RASEF: variants seen among roughly 807,000 people sequenced by gnomAD.
RASEF encodes the protein ras and EF-hand domain-containing protein.
Under a neutral mutation model 90.1 loss-of-function variants are expected in RASEF, and 68 were observed. The ratio of observed to expected loss-of-function variants is 0.75; its 90% CI spans 0.62 to 0.92. The LOEUF is 0.92. RASEF is among the 40% of genes least tolerant of loss of function. The pLI, the probability that RASEF is intolerant of heterozygous loss-of-function variation, is 0.00. For missense variants in RASEF, 949 were observed against 937.2 expected (o/e 1.01, Z -0.16); for synonymous variants, 331 against 345.2 (o/e 0.96, Z 0.46).
the RASEF span, among the ~76,000 whole-genome samples, chr9:83,088,203 T>G: frequency 6.6e-6 from 1 of 152,212 alleles, no homozygotes; most frequent in South Asian, 2.1e-4. Flanking sequence ...GAATGTGTAT[T>G]CTGACATTGT....
At chr9:83,004,713 A>G (rs1829098439) in intron 8 of RASEF, 127 bp from the exon 9 acceptor site, 1 of 618,590 alleles carries the variant, frequency 1.6e-6, no homozygotes, top group Non-Finnish European at 2.8e-6. Flanking sequence ...AATGTAACTA[A>G]AAGTTTGTTA....
the RASEF span, among the ~76,000 whole-genome samples, chr9:83,203,353 G>C: frequency 9.2e-5 from 14 of 151,686 alleles, no homozygotes; most frequent in African/African-American, 3.4e-4. Context: ...TTGGCTCACT[G>C]CTACCTACGC....
chr9:83,210,073 A>ATG, the RASEF span, among the ~76,000 whole-genome samples: 3 of 152,248 alleles, frequency 2.0e-5, no homozygotes, highest in Admixed American at 6.5e-5. Context: ...TGGAAGTAAC[A>ATG]GATATTTGCG....
intron 14 of RASEF, among the ~76,000 whole-genome samples, chr9:82,994,099 G>A (rs576609665): frequency 1.3e-5 from 2 of 152,212 alleles, no homozygotes; most frequent in African/African-American, 2.4e-5. Flanking sequence ...ATCAAAAAAC[G>A]TGCCTCAACA....
rs757226765 is a variant in RASEF, at chr9:82,997,058, C to T, written c.1874G>A (p.Cys625Tyr). The change falls in exon 14 of 17, where the codon TGT becomes TAT. Residue 625 changes from cysteine (C) to tyrosine (Y), a missense_variant. Physicochemically the swap from Cys to Tyr is radical, Grantham distance 194 (BLOSUM62 -2). This residue lies in a region of RASEF where 288 missense variants were observed against 328.4 expected (regional missense o/e 0.88). Transcript: ENST00000376447. ...DGVLLLYDVT[C>Y]EKSFLNIREW... ...TCGTATGTTAAGAAAGCTTTTCTCA[C>T]ATGTAACATCATACAGCAGCAAAAC... 2.5e-6 allele frequency: 4 copies of T among 1,613,180 alleles called. No individual in the cohort carries two copies. In the South Asian group the frequency reaches 3.3e-5, roughly 13 times the overall value.
intron 16 of RASEF, among the ~76,000 whole-genome samples, chr9:82,989,744 G>T (rs1354251): frequency 1 from 152,252 of 152,282 alleles, 76,111 homozygotes; most frequent in Middle Eastern, 1. Flanking sequence ...TTTCCTTTTT[G>T]TGATATTTAA....
chr9:83,127,136 A>G, the RASEF span, among the ~76,000 whole-genome samples: 1 of 152,248 alleles, frequency 6.6e-6, no homozygotes, highest in African/African-American at 2.4e-5. Flanking sequence ...GCAGTAAAAA[A>G]TATGAGCTAG....
At chr9:83,037,650 T>C (rs1829767285) in intron 1 of RASEF, among the ~76,000 whole-genome samples, 1 of 152,060 alleles carries the variant, frequency 6.6e-6, no homozygotes, top group Non-Finnish European at 1.5e-5. Flanking sequence ...ATTTTTGCAA[T>C]AGTCATTTTC....
chr9:83,152,839 G>A, the RASEF span, among the ~76,000 whole-genome samples: 1 of 152,120 alleles, frequency 6.6e-6, no homozygotes, highest in South Asian at 2.1e-4. Flanking sequence ...AGTGCCAACT[G>A]TAACCGAGAG....
chr9:83,191,148 G>A, the RASEF span, among the ~76,000 whole-genome samples: 1 of 152,110 alleles, frequency 6.6e-6, no homozygotes, highest in Admixed American at 6.6e-5. Flanking sequence ...TCTAATGAGA[G>A]ACTATCCCTG....
intron 1 of RASEF, among the ~76,000 whole-genome samples, chr9:83,034,104 T>C (rs573731798): frequency 6.6e-6 from 1 of 152,330 alleles, no homozygotes; most frequent in African/African-American, 2.4e-5. Flanking sequence ...AGAAAAATAT[T>C]AATTCCCTTT....
chr9:83,120,397 C>T, the RASEF span, among the ~76,000 whole-genome samples: 2 of 152,160 alleles, frequency 1.3e-5, no homozygotes, highest in Non-Finnish European at 2.9e-5. Context: ...GCCTGCCTCA[C>T]CACATTCTAT....
At chr9:83,107,434 C>T in the RASEF span, among the ~76,000 whole-genome samples, 2 of 152,288 alleles carry the variant, frequency 1.3e-5, no homozygotes, top group African/African-American at 2.4e-5. Flanking sequence ...AAGGCTCCTT[C>T]GACTTCACAT....
At chr9:83,065,813 G>A (rs1384962064), upstream of RASEF, among the ~76,000 whole-genome samples, 1 of 152,138 alleles carries the variant, frequency 6.6e-6, no homozygotes, top group African/African-American at 2.4e-5. Flanking sequence ...TTTCGCAGGG[G>A]ACATTTGGCA....
Position 83,022,413 on chromosome 9 carries a change from C to T in RASEF, c.592G>A (p.Ala198Thr). The T allele has an allele frequency of 1.9e-6, 3 of 1,613,728 alleles. No homozygotes were observed. The highest frequency in any genetic ancestry group is 2.5e-6 in the Non-Finnish European group (3 of 1,179,700). Residue 198 changes from alanine (A) to threonine (T), a missense_variant, in exon 3 of 17, where the codon GCA becomes ACA. Physicochemically the swap from Ala to Thr is moderately conservative, Grantham distance 58. Coordinates refer to ENST00000376447, the MANE Select transcript of RASEF (RefSeq NM_152573.4). ...AIAVKRAQDK[A>T]AMQLSELEEE... ...TCCAACTCACTCAACTGCATAGCTG[C>T]CTTGTCCTGGGCTCTGAAATTCAAA...
intron 1 of RASEF, chr9:83,048,525 T>C (rs1365826269): frequency 1.0e-6 from 1 of 984,174 alleles, no homozygotes; most frequent in East Asian, 1.1e-4. Context: ...GGGCATACAG[T>C]GGATACAAAA....
intron 3 of RASEF, among the ~76,000 whole-genome samples, chr9:83,016,202 T>G (rs749829323): frequency 6.6e-6 from 1 of 152,198 alleles, no homozygotes; most frequent in Non-Finnish European, 1.5e-5. Flanking sequence ...CATCAATCAA[T>G]TAAGTAATTA....
the RASEF span, among the ~76,000 whole-genome samples, chr9:83,144,983 C>T: frequency 2.6e-3 from 400 of 152,178 alleles, 3 homozygotes; most frequent in Non-Finnish European, 4.7e-3. Flanking sequence ...GATTTTTATT[C>T]TCATAAACAT....
intron 1 of RASEF, among the ~76,000 whole-genome samples, chr9:83,061,148 G>A (rs1478611246): frequency 6.6e-6 from 1 of 152,178 alleles, no homozygotes; most frequent in Non-Finnish European, 1.5e-5. Context: ...ATAGGTTGTA[G>A]CAGTGTTTAA....
Sources: gnomAD v4.1 joint callset for allele counts (sites outside exome capture counted in the v4.1 genomes callset) on GRCh38, gnomAD v4.1.1 for gene constraint, gnomAD v4.1.1 regional missense constraint, MANE v1.5 for transcripts, NCBI Gene and HGNC (gene_info 2026-07-23, HGNC 2026-07-21) for gene names.